SNX13: variants seen among roughly 807,000 people sequenced by gnomAD.
The protein encoded by SNX13 is sorting nexin-13.
In SNX13, 45 loss-of-function variants were observed where a neutral mutation model predicts 133.6. The observed-to-expected ratio is 0.34, with a 90% CI of 0.27 to 0.43. The LOEUF (loss-of-function observed/expected upper bound fraction) is 0.43. Ranked by LOEUF, SNX13 falls within the 20% of genes least tolerant of loss-of-function variation. The pLI, the probability that SNX13 is intolerant of heterozygous loss-of-function variation, is 1.00. For synonymous variants in SNX13, 414 were observed against 373.9 expected, an observed-to-expected ratio of 1.11 and a Z score of -1.24; for missense variants, 1,032 against 1,145.1, an observed-to-expected ratio of 0.90 and a Z score of 1.43.
At chr7:17,852,528 A>G (rs1024861674) in intron 9 of SNX13, among the ~76,000 whole-genome samples, 2 of 152,234 alleles carry the variant, frequency 1.3e-5, no homozygotes, top group African/African-American at 2.4e-5. Context: ...GTAAAAGTTT[A>G]TTGGAGGAGT....
chr7:17,934,078 C>T (rs538460490), intron 1 of SNX13, among the ~76,000 whole-genome samples: 1 of 152,274 alleles, frequency 6.6e-6, no homozygotes, highest in South Asian at 2.1e-4. Flanking sequence ...TGTTGATAGA[C>T]ACAGTATTTA....
intron 1 of SNX13, among the ~76,000 whole-genome samples, chr7:17,906,384 C>T (rs1420729928): frequency 6.6e-6 from 1 of 152,046 alleles, no homozygotes; most frequent in Admixed American, 6.6e-5. Context: ...AATAGATCAA[C>T]AACTCTGGTA....
intron 8 of SNX13, among the ~76,000 whole-genome samples, chr7:17,868,724 T>G (rs1296660209): frequency 6.6e-6 from 1 of 151,964 alleles, no homozygotes; most frequent in Non-Finnish European, 1.5e-5. Context: ...AACTGTGGAG[T>G]GAAATAAAGC....
intron 1 of SNX13, among the ~76,000 whole-genome samples, chr7:17,901,621 G>C (rs1436109668): frequency 6.6e-6 from 1 of 152,090 alleles, no homozygotes; most frequent in African/African-American, 2.4e-5. Flanking sequence ...CATAATCACT[G>C]TGCTCTCCCT....
chr7:17,835,186 G>A (rs925029703), intron 13 of SNX13, among the ~76,000 whole-genome samples: 11 of 151,788 alleles, frequency 7.2e-5, no homozygotes, highest in Non-Finnish European at 1.3e-4. Flanking sequence ...TAGGATTATT[G>A]TAAGGATTAA....
At chr7:17,831,988 G>C in intron 15 of SNX13, 2 of 983,678 alleles carry the variant, frequency 2.0e-6, no homozygotes, top group Non-Finnish European at 2.4e-6. Flanking sequence ...TTCAAAAAAG[G>C]GATAGGTAAT....
chr7:17,925,601 T>C (rs1247522192), intron 1 of SNX13, among the ~76,000 whole-genome samples: 2 of 152,168 alleles, frequency 1.3e-5, no homozygotes, highest in South Asian at 4.1e-4. Context: ...CTATCTCTAG[T>C]GCAGTGGTTC....
At chr7:17,919,478 G>C (rs758356864) in intron 1 of SNX13, among the ~76,000 whole-genome samples, 50 of 152,034 alleles carry the variant, frequency 3.3e-4, no homozygotes, top group Non-Finnish European at 5.4e-4. Flanking sequence ...AATAATTTTG[G>C]TTAGAAATTC....
chr7:17,826,117 A>G (rs1386857454), intron 16 of SNX13, 26 bp from the exon 17 acceptor site: 2 of 1,457,780 alleles, frequency 1.4e-6, no homozygotes, highest in Non-Finnish European at 9.3e-7. Flanking sequence ...CAGGAAACAA[A>G]TTTTTAAAAT....
chr7:17,914,466 A>C (rs78113310), intron 1 of SNX13, among the ~76,000 whole-genome samples: 2 of 152,190 alleles, frequency 1.3e-5, no homozygotes, highest in African/African-American at 4.8e-5. Flanking sequence ...AAAATCTTCA[A>C]GGCAGCTAGA....
At chr7:17,884,687 T>C (rs936419039) in intron 5 of SNX13, among the ~76,000 whole-genome samples, 1 of 152,180 alleles carries the variant, frequency 6.6e-6, no homozygotes, top group African/African-American at 2.4e-5. Context: ...GAAAAAAGTA[T>C]GATTGAAAAC....
At chr7:17,892,070 C>G (rs1796685928) in intron 3 of SNX13, among the ~76,000 whole-genome samples, 1 of 151,834 alleles carries the variant, frequency 6.6e-6, no homozygotes, top group African/African-American at 2.4e-5. Flanking sequence ...GTTTTGGCAA[C>G]TTAAGAAAAT....
At chr7:17,862,951 G>C (rs1473571851) in intron 9 of SNX13, among the ~76,000 whole-genome samples, 1 of 152,134 alleles carries the variant, frequency 6.6e-6, no homozygotes, top group Non-Finnish European at 1.5e-5. Flanking sequence ...GGGTAGGAAA[G>C]ACAGTCTCGT....
chr7:17,814,838 C>A lies in SNX13; in HGVS notation c.2060G>T (p.Arg687Leu), dbSNP rs1024231508. Residue 687 changes from arginine (R) to leucine (L), a missense_variant, in exon 20 of 26, where the codon CGC becomes CTC. By Grantham distance (102) the Arg-to-Leu change is moderately radical (BLOSUM62 -2). Transcript: ENST00000428135. ...AYSKGKGDFA[R>L]KMDTFVNPLR... is the part of the protein sequence containing the mutation. ...TGCAGTGGTCTGCTTACTTACCTTGCGAGCAAAATCCCCTTTTCCTTTACT... is the reference window on the plus strand; with the variant it reads ...TGCAGTGGTCTGCTTACTTACCTTGAGAGCAAAATCCCCTTTTCCTTTACT... 3.9e-6 allele frequency: 6 copies of A among 1,534,560 alleles called. No individual in the cohort carries two copies. The highest frequency in any genetic ancestry group is 3.9e-5 in the South Asian group (3 of 77,494).
intron 12 of SNX13, among the ~76,000 whole-genome samples, chr7:17,845,019 A>G (rs1425997086): frequency 6.6e-6 from 1 of 152,188 alleles, no homozygotes; most frequent in Non-Finnish European, 1.5e-5. Flanking sequence ...AAAGATTAAG[A>G]TCAGGAACAA....
chr7:17,875,042 C>T (rs570551519), intron 7 of SNX13, among the ~76,000 whole-genome samples: 7 of 152,240 alleles, frequency 4.6e-5, no homozygotes, highest in African/African-American at 1.2e-4. Flanking sequence ...GTCTCACTCT[C>T]GTCACTCAGG....
At position 17,839,879 on chromosome 7, in the gene SNX13, A is replaced by C; in HGVS notation, c.1287T>G (p.His429Gln). Residue 429 changes from histidine (H) to glutamine (Q), a missense_variant, in exon 13 of 26, where the codon CAT (histidine) becomes CAG (glutamine). His to Gln is a conservative substitution (Grantham distance 24). Coordinates refer to ENST00000428135, the MANE Select transcript of SNX13 (RefSeq NM_015132.5). The stretch of plus-strand genomic sequence containing the variant: ...AAAGACCTTTGGTTTGGTTGGTTTG[A>C]TGTTTTCCATCTCTCTGACGACTTA... ...VLLSRQRDGK[H>Q]QTNQTKGLLR... 1.2e-6 allele frequency: 2 copies of C among 1,611,952 alleles called. No individual in the cohort carries two copies. The highest frequency in any genetic ancestry group is 1.7e-6 in the Non-Finnish European group (2 of 1,178,654).
intron 2 of SNX13, 64 bp from the exon 3 acceptor site, chr7:17,893,498 T>C: frequency 9.9e-7 from 1 of 1,009,368 alleles, no homozygotes; most frequent in Non-Finnish European, 1.5e-6. Context: ...ATGAATCTAC[T>C]ACCAAGTATA....
chr7:17,803,610 C>T (rs758951568), intron 20 of SNX13, 30 bp from the exon 21 acceptor site: 1 of 1,562,560 alleles, frequency 6.4e-7, no homozygotes, highest in East Asian at 2.3e-5. Flanking sequence ...TATACCATGA[C>T]TTTATTGTAC....
Sources: gnomAD v4.1 joint callset for allele counts (sites outside exome capture counted in the v4.1 genomes callset) on GRCh38, gnomAD v4.1.1 for gene constraint, MANE v1.5 for transcripts, NCBI Gene and HGNC (gene_info 2026-07-23, HGNC 2026-07-21) for gene names.